PPME1: variants seen among roughly 807,000 people sequenced by gnomAD.
The protein encoded by PPME1 is testicular secretory protein Li 39.
PPME1 carries 17 observed loss-of-function variants against 56.9 expected under a neutral mutation model. The observed-to-expected ratio is 0.30, with a 90% confidence interval of 0.20 to 0.45. PPME1 has a LOEUF of 0.45. Ranked by LOEUF, PPME1 falls within the 20% of genes least tolerant of loss-of-function variation. The pLI is 1.00. For missense variants in PPME1, 357 were observed against 483.2 expected (o/e 0.74, Z 2.45); for synonymous variants, 122 against 156.2 (o/e 0.78, Z 1.63).
chr11:74,225,216 G>C lies in PPME1; in HGVS notation c.358G>C (p.Val120Leu). ...LDLRSHGETK[V>L]KNPEDLSAET... ...TATTTTCATTTTAGGTGAAACAAAG[G>C]TCAAGAATCCTGAAGATCTGTCTGC... The change falls in exon 5 of 14, where the codon GTC (valine) becomes CTC (leucine). Residue 120 changes from valine to leucine, a missense_variant. By Grantham distance (32) the Val-to-Leu change is conservative. This residue lies in a region of PPME1 where 175 missense variants were observed against 189.4 expected (regional missense o/e 0.92). Transcript: ENST00000328257. 10 of 1,562,658 alleles carry C rather than the reference G, an allele frequency of 6.4e-6. No individual in the cohort carries two copies. Among genetic ancestry groups the C allele is most frequent in the Non-Finnish European group, 8.7e-6 (10 of 1,151,344 alleles).
chr11:74,223,005 A>C (rs1858838612), intron 4 of PPME1, among the ~76,000 whole-genome samples: 1 of 151,406 alleles, frequency 6.6e-6, no homozygotes. Flanking sequence ...GGTTAGTTAC[A>C]TATGTATACA....
chr11:74,217,594 G>T (rs1271084244), intron 3 of PPME1, among the ~76,000 whole-genome samples: 1 of 150,626 alleles, frequency 6.6e-6, no homozygotes, highest in Non-Finnish European at 1.5e-5. Context: ...GATCAAGTGG[G>T]ATTTATTCTA....
intron 3 of PPME1, among the ~76,000 whole-genome samples, chr11:74,217,834 A>G (rs906054469): frequency 6.6e-6 from 1 of 152,172 alleles, no homozygotes; most frequent in African/African-American, 2.4e-5. Flanking sequence ...TAAAAGGATG[A>G]TAAATGAAAA....
At chr11:74,204,744 T>C in intron 3 of PPME1, 1 of 211,446 alleles carries the variant, frequency 4.7e-6, no homozygotes. Flanking sequence ...AAAGAAAAAT[T>C]TAAAAATGTT....
chr11:74,205,714 T>C (rs1281500565), intron 3 of PPME1: 2 of 152,236 alleles, frequency 1.3e-5, no homozygotes, highest in Non-Finnish European at 1.5e-5. Context: ...CATAGGCACA[T>C]ATTCAACCAC....
chr11:74,252,137 T>G (rs1464330808), intron 13 of PPME1, among the ~76,000 whole-genome samples: 2 of 149,342 alleles, frequency 1.3e-5, no homozygotes, highest in East Asian at 3.9e-4. Context: ...GGCACAGTCT[T>G]GGTTCACTGC....
intron 1 of PPME1, among the ~76,000 whole-genome samples, chr11:74,179,945 GACA>G (rs778090377): frequency 1.8e-4 from 27 of 152,262 alleles, no homozygotes; most frequent in African/African-American, 5.1e-4. Context: ...CAGAATTTGT[GACA>G]ACAAGTGATT....
At chr11:74,193,884 A>G (rs1022781862) in intron 1 of PPME1, among the ~76,000 whole-genome samples, 3 of 152,138 alleles carry the variant, frequency 2.0e-5, no homozygotes, top group Non-Finnish European at 4.4e-5. Flanking sequence ...TCTTTATGTG[A>G]ACTCTTTACA....
At chr11:74,212,949 C>CT (rs1447699906) in intron 3 of PPME1, among the ~76,000 whole-genome samples, 16 of 152,152 alleles carry the variant, frequency 1.1e-4, no homozygotes, top group Admixed American at 9.2e-4. Context: ...AGGAAGGACT[C>CT]TTTCTGATTG....
At chr11:74,235,509 A>G (rs900172606) in intron 7 of PPME1, among the ~76,000 whole-genome samples, 1 of 151,512 alleles carries the variant, frequency 6.6e-6, no homozygotes, top group African/African-American at 2.4e-5. Context: ...TGTTATCTAT[A>G]CTCCTCAGTT....
Position 74,251,725 on chromosome 11 carries a change from G to T in PPME1, c.1142+10G>T. On this transcript the variant is annotated intron_variant, in intron 13 of 13. Coordinates refer to ENST00000328257, the MANE Select transcript of PPME1 (RefSeq NM_016147.3). The stretch of plus-strand genomic sequence containing the variant: ...TCGGTGGATTCCAGTGGTAAGGCGG[G>T]TACAAGGGTTTAAGAACCCAGCAGT... 1 of 1,613,908 alleles carries T rather than the reference G, an allele frequency of 6.2e-7. No homozygotes were observed. Among genetic ancestry groups the T allele is most frequent in the Non-Finnish European group, 8.5e-7 (1 of 1,179,824 alleles).
chr11:74,213,102 C>A (rs1858525399), intron 3 of PPME1, among the ~76,000 whole-genome samples: 1 of 152,132 alleles, frequency 6.6e-6, no homozygotes, highest in African/African-American at 2.4e-5. Flanking sequence ...CAGAGGGGAC[C>A]ACTGCCCTGA....
chr11:74,207,410 A>T (rs1858355282), intron 3 of PPME1, among the ~76,000 whole-genome samples: 1 of 152,190 alleles, frequency 6.6e-6, no homozygotes. Flanking sequence ...GGCTTTAGTA[A>T]CAAAAACAAA....
At chr11:74,239,904 T>C (rs1012983394) in intron 9 of PPME1, among the ~76,000 whole-genome samples, 3 of 151,432 alleles carry the variant, frequency 2.0e-5, no homozygotes, top group Non-Finnish European at 4.4e-5. Context: ...TTTTACCCTG[T>C]CCATCTGTCT....
chr11:74,251,744 C>T (rs1401736829), intron 13 of PPME1, 29 bp downstream of exon 13: 18 of 1,612,456 alleles, frequency 1.1e-5, no homozygotes, highest in Non-Finnish European at 1.4e-5. Flanking sequence ...TTTAAGAACC[C>T]AGCAGTGCTG....
chr11:74,188,495 T>C (rs1216350139), intron 1 of PPME1, among the ~76,000 whole-genome samples: 2 of 152,120 alleles, frequency 1.3e-5, no homozygotes, highest in Non-Finnish European at 2.9e-5. Flanking sequence ...CATACTGATA[T>C]TTCAAAAGGA....
At chr11:74,249,630 C>G (rs139111012) in intron 11 of PPME1, 9 of 152,174 alleles carry the variant, frequency 5.9e-5, no homozygotes, top group African/African-American at 1.9e-4. Flanking sequence ...AAGACTTAAG[C>G]ATCTACTCAG....
intron 9 of PPME1, 146 bp downstream of exon 9, chr11:74,239,402 T>A: frequency 7.6e-7 from 1 of 1,321,462 alleles, no homozygotes; most frequent in Non-Finnish European, 1.0e-6. Context: ...ATACTTAGCT[T>A]AACTATAAGA....
intron 2 of PPME1, among the ~76,000 whole-genome samples, chr11:74,204,046 T>C (rs549414824): frequency 1.3e-5 from 2 of 152,172 alleles, no homozygotes; most frequent in Admixed American, 6.5e-5. Flanking sequence ...GAAACTGATA[T>C]ACTGTCTTAG....
Sources: allele counts gnomAD v4.1 joint callset (sites outside exome capture counted in the v4.1 genomes callset), GRCh38; gene constraint gnomAD v4.1.1; regional missense constraint gnomAD v4.1.1; transcripts MANE v1.5; gene names NCBI Gene and HGNC (gene_info 2026-07-23, HGNC 2026-07-21).